CRTC3: variants seen among roughly 807,000 people sequenced by gnomAD.
The protein encoded by CRTC3 is CREB regulated transcription coactivator 3, also known as CREB-regulated transcription coactivator 3.
Under a neutral mutation model 74.5 loss-of-function variants are expected in CRTC3, and 26 were observed. The ratio of observed to expected loss-of-function variants is 0.35; its 90% CI spans 0.26 to 0.48. CRTC3 has a LOEUF of 0.48. Ranked by LOEUF, CRTC3 falls within the 20% of genes least tolerant of loss-of-function variation. The probability of loss-of-function intolerance (pLI) is 0.99; values close to 1 mark genes in which losing one functional copy is unlikely to be tolerated. For missense variants in CRTC3, 760 were observed against 787.3 expected (o/e 0.97, Z 0.41); for synonymous variants, 377 against 325.8 (o/e 1.16, Z -1.69).
chr15:90,581,039 A>G (rs979521996), intron 2 of CRTC3, among the ~76,000 whole-genome samples: 6 of 152,250 alleles, frequency 3.9e-5, no homozygotes, highest in African/African-American at 1.4e-4. Context: ...AGCCTAAGGG[A>G]GAACATATCA....
intron 2 of CRTC3, among the ~76,000 whole-genome samples, chr15:90,583,897 T>A (rs188497301): frequency 6.6e-6 from 1 of 152,076 alleles, no homozygotes; most frequent in Non-Finnish European, 1.5e-5. Context: ...AAGTATGACA[T>A]CCTTTTTTAT....
chr15:90,542,646 A>G (rs1966822088), intron 2 of CRTC3, among the ~76,000 whole-genome samples: 3 of 152,242 alleles, frequency 2.0e-5, no homozygotes, highest in African/African-American at 7.2e-5. Flanking sequence ...TCTGATCTTC[A>G]GACTGCATTC....
At chr15:90,579,564 AT>A (rs926807709) in intron 2 of CRTC3, among the ~76,000 whole-genome samples, 17 of 146,782 alleles carry the variant, frequency 1.2e-4, no homozygotes, top group African/African-American at 3.8e-4. Context: ...ATTCTTTAGC[AT>A]TTCTCTGTAA....
intron 2 of CRTC3, among the ~76,000 whole-genome samples, chr15:90,544,726 C>T (rs1474208193): frequency 6.6e-6 from 1 of 152,212 alleles, no homozygotes; most frequent in Admixed American, 6.5e-5. Flanking sequence ...AGTGGCTCTA[C>T]TGTTTCACAT....
chr15:90,544,826 A>C (rs1966841717), intron 2 of CRTC3, among the ~76,000 whole-genome samples: 1 of 152,242 alleles, frequency 6.6e-6, no homozygotes, highest in African/African-American at 2.4e-5. Flanking sequence ...TGGTTAAAAA[A>C]CAGAACATAA....
rs1239294220 is a variant in CRTC3, at chr15:90,619,778, T to C, written c.737T>C (p.Val246Ala). ...SLSGRPRSCDVGGGNAFPHNG... is the reference protein window; with the variant it reads ...SLSGRPRSCDAGGGNAFPHNG... ...TCAGGACGCCCTCGATCCTGTGATG[T>C]TGGAGGTGGCAAGTAAGTAATATTC... is the stretch of plus-strand genomic sequence containing the variant. Residue 246 changes from valine (V) to alanine (A), a missense_variant, in exon 9 of 15, where the codon GTT becomes GCT. Physicochemically the swap from Val to Ala is moderately conservative, Grantham distance 64. Transcript: ENST00000268184. 1.7e-5 allele frequency: 28 copies of C among 1,613,488 alleles called. No homozygotes were observed. Among genetic ancestry groups the C allele is most frequent in the Non-Finnish European group, 2.4e-5 (28 of 1,179,500 alleles).
At chr15:90,633,241 G>C (rs919785329) in intron 11 of CRTC3, among the ~76,000 whole-genome samples, 4 of 146,518 alleles carry the variant, frequency 2.7e-5, no homozygotes, top group Non-Finnish European at 4.4e-5. Flanking sequence ...TTATCTATAT[G>C]TATCTATGTG....
At chr15:90,590,246 T>C (rs1647242566) in intron 2 of CRTC3, among the ~76,000 whole-genome samples, 1 of 151,436 alleles carries the variant, frequency 6.6e-6, no homozygotes, top group South Asian at 2.1e-4. Context: ...TGAGCCAAGA[T>C]CATACCACTT....
chr15:90,546,686 G>A (rs549435141), intron 2 of CRTC3, among the ~76,000 whole-genome samples: 11 of 152,100 alleles, frequency 7.2e-5, no homozygotes, highest in Admixed American at 1.3e-4. Flanking sequence ...GCAGTGGCAC[G>A]ATCTCCACTC....
chr15:90,530,046 G>T lies in CRTC3; in HGVS notation c.-26G>T. 2 of 1,399,542 alleles carry T rather than the reference G, an allele frequency of 1.4e-6. No homozygotes were observed. Among genetic ancestry groups the T allele is most frequent in the Non-Finnish European group, 9.4e-7 (1 of 1,060,156 alleles). 86.7% of individuals were successfully genotyped at this position (1,399,542 alleles called of 1,614,324 possible). A position where few individuals can be genotyped will look rare whatever the true frequency, so the allele number is the denominator to read the frequency against. On this transcript the variant is annotated 5_prime_UTR_variant, in exon 1 of 15. Transcript: ENST00000268184. The surrounding 1 kb of genome is among the most constrained non-coding windows in gnomAD (Gnocchi z 6.2). ...ACAGGCCCCACGGCCGCCGTCTCCC[G>T]CTTCTGCCCGCGCAGAGTCCGCGCC...
chr15:90,599,563 T>C (rs1414642607), intron 3 of CRTC3: 1 of 152,226 alleles, frequency 6.6e-6, no homozygotes, highest in East Asian at 1.9e-4. Flanking sequence ...ACATGAGTGG[T>C]TCTCTTGGGT....
At chr15:90,611,649 C>G in intron 6 of CRTC3, among the ~76,000 whole-genome samples, 1 of 152,148 alleles carries the variant, frequency 6.6e-6, no homozygotes. Flanking sequence ...TTCCCATGCC[C>G]CTACGCCCAT....
At chr15:90,545,243 G>A (rs1400027631) in intron 2 of CRTC3, among the ~76,000 whole-genome samples, 2 of 152,066 alleles carry the variant, frequency 1.3e-5, no homozygotes, top group African/African-American at 2.4e-5. Context: ...CCATTCATCC[G>A]CTAATGGATA....
intron 6 of CRTC3, among the ~76,000 whole-genome samples, chr15:90,610,956 AG>A (rs1968342360): frequency 6.6e-6 from 1 of 152,182 alleles, no homozygotes; most frequent in Non-Finnish European, 1.5e-5. Context: ...CTTAGCGTGG[AG>A]GGGGCTTGGC....
In CRTC3 at chr15:90,636,288, C is replaced by G. The variant is rs976346503; in HGVS notation, c.1267-2158C>G. ...ACCATCTGATCTTTGACAAACCTGA[C>G]AAAAACAAGAAATGGGGAAAGGATT... On this transcript the variant is annotated intron_variant, in intron 11 of 14. Transcript: ENST00000268184. Among the ~76,000 whole-genome samples, 26 of 151,314 alleles carry G rather than the reference C, an allele frequency of 1.7e-4. 1 individual carries two copies. In the South Asian group the frequency reaches 3.8e-3, roughly 22 times the overall value.
chr15:90,619,958 A>T (rs958828583), intron 9 of CRTC3, 168 bp downstream of exon 9: 2 of 619,560 alleles, frequency 3.2e-6, no homozygotes, highest in Non-Finnish European at 5.8e-6. Context: ...CTCATATTTC[A>T]TCTGTTTAAA....
intron 2 of CRTC3, among the ~76,000 whole-genome samples, chr15:90,575,522 A>AT (rs1309512634): frequency 6.6e-6 from 1 of 151,978 alleles, no homozygotes; most frequent in African/African-American, 2.4e-5. Context: ...AATCTGGCTT[A>AT]TTTTTTTTCC....
chr15:90,554,598 G>A (rs145847106), intron 2 of CRTC3, among the ~76,000 whole-genome samples: 18 of 152,342 alleles, frequency 1.2e-4, no homozygotes, highest in Admixed American at 5.2e-4. Context: ...CAACTACAGC[G>A]TAGGCTTGGG....
intron 3 of CRTC3, chr15:90,594,011 C>T (rs1041947631): frequency 3.2e-6 from 1 of 314,932 alleles, no homozygotes; most frequent in Non-Finnish European, 5.8e-6. Context: ...GTAATTCGGT[C>T]CCATTGCAGG....
Sources: allele counts gnomAD v4.1 joint callset (sites outside exome capture counted in the v4.1 genomes callset), GRCh38; gene constraint gnomAD v4.1.1; non-coding constraint Gnocchi (gnomAD v3.1); transcripts MANE v1.5; gene names NCBI Gene and HGNC (gene_info 2026-07-23, HGNC 2026-07-21).